The following ST6GALNAC3 variants were observed in gnomAD, a reference collection of about 807,000 sequenced individuals.
ST6GALNAC3 encodes alpha-N-acetylgalactosaminide alpha-2,6-sialyltransferase 3.
Under a neutral mutation model 32.7 loss-of-function variants are expected in ST6GALNAC3, and 25 were observed. That is an observed-to-expected ratio of 0.76 (90% CI 0.56 to 1.07). The LOEUF (loss-of-function observed/expected upper bound fraction) is 1.07, where lower values mean the gene tolerates loss of function less well. ST6GALNAC3 is among the 50% of genes least tolerant of loss of function. The pLI is 0.00. For missense variants in ST6GALNAC3, 355 were observed against 382.4 expected, an observed-to-expected ratio of 0.93 and a Z score of 0.60; for synonymous variants, 129 against 133.1, an observed-to-expected ratio of 0.97 and a Z score of 0.21.
At chr1:76,484,436 A>T (rs1217112496) in intron 3 of ST6GALNAC3, among the ~76,000 whole-genome samples, 1 of 152,066 alleles carries the variant, frequency 6.6e-6, no homozygotes, top group Non-Finnish European at 1.5e-5. Context: ...GAGGTCCTTC[A>T]CATCCCTTGT....
chr1:76,359,032 A>G (rs1160881347), intron 2 of ST6GALNAC3, among the ~76,000 whole-genome samples: 1 of 152,156 alleles, frequency 6.6e-6, no homozygotes, highest in African/African-American at 2.4e-5. Flanking sequence ...GTAATTTTAC[A>G]TTTATTGCTG....
intron 3 of ST6GALNAC3, among the ~76,000 whole-genome samples, chr1:76,541,803 C>G (rs315068): frequency 1.3e-5 from 2 of 152,058 alleles, no homozygotes; most frequent in Non-Finnish European, 2.9e-5. Context: ...CCCATCATCT[C>G]GTCACACCTG....
chr1:76,164,516 C>A (rs1401978189), intron 1 of ST6GALNAC3, among the ~76,000 whole-genome samples: 1 of 152,170 alleles, frequency 6.6e-6, no homozygotes, highest in Non-Finnish European at 1.5e-5. Context: ...ACCCCTTAAG[C>A]AGACCTTTAA....
At chr1:76,286,294 A>C (rs1345520082) in intron 1 of ST6GALNAC3, among the ~76,000 whole-genome samples, 1 of 152,182 alleles carries the variant, frequency 6.6e-6, no homozygotes, top group Admixed American at 6.5e-5. Context: ...CACAGTGTAA[A>C]ATCACAGTGG....
intron 1 of ST6GALNAC3, among the ~76,000 whole-genome samples, chr1:76,142,041 TAGAGAGGAGGGAAG>T (rs1329662626): frequency 1.3e-5 from 2 of 152,110 alleles, no homozygotes; most frequent in Non-Finnish European, 2.9e-5. Flanking sequence ...GAGGATTCTT[TAGAGAGGAGGGAAG>T]AGACCCCCTG....
intron 1 of ST6GALNAC3, among the ~76,000 whole-genome samples, chr1:76,075,194 G>T (rs1458863207): frequency 6.6e-6 from 1 of 152,208 alleles, no homozygotes; most frequent in Non-Finnish European, 1.5e-5. Context: ...GGGTGTTCCC[G>T]CGGGTCCCGC....
chr1:76,138,872 C>T (rs1650116921), intron 1 of ST6GALNAC3, among the ~76,000 whole-genome samples: 1 of 151,954 alleles, frequency 6.6e-6, no homozygotes, highest in Non-Finnish European at 1.5e-5. Flanking sequence ...CCTTTTTTAC[C>T]CCTGAGAATA....
intron 1 of ST6GALNAC3, among the ~76,000 whole-genome samples, chr1:76,245,073 TG>T (rs1657183034): frequency 6.6e-6 from 1 of 152,182 alleles, no homozygotes; most frequent in Non-Finnish European, 1.5e-5. Flanking sequence ...TGGGCTTTTT[TG>T]GTTGGTAGGC....
intron 2 of ST6GALNAC3, among the ~76,000 whole-genome samples, chr1:76,361,411 C>A (rs1033486991): frequency 1.3e-5 from 2 of 151,942 alleles, no homozygotes; most frequent in African/African-American, 4.8e-5. Flanking sequence ...ACTTGATTTC[C>A]CTCCTATTTC....
rs570349449 is a variant in ST6GALNAC3, at chr1:76,524,297, G to T, written c.624-103155G>T. ...AGTAGTAATTTGAGAGGGAAGATAG[G>T]TGAACATGTCCCTTCAATAAGCCAT... is the stretch of plus-strand genomic sequence containing the variant. On this transcript the variant is annotated intron_variant, in intron 3 of 4. Transcript: ENST00000328299. Among the ~76,000 whole-genome samples the T allele has an allele frequency of 3.9e-5, 6 of 152,220 alleles. No homozygotes were observed. The South Asian group carries it at 6.2e-4, about 16-fold the overall frequency.
At chr1:76,205,332 A>G (rs1256150222) in intron 1 of ST6GALNAC3, among the ~76,000 whole-genome samples, 1 of 152,196 alleles carries the variant, frequency 6.6e-6, no homozygotes, top group Non-Finnish European at 1.5e-5. Context: ...TCAATAGTCC[A>G]CAGCCTCCCC....
chr1:76,487,669 G>A (rs368143493), intron 3 of ST6GALNAC3, among the ~76,000 whole-genome samples: 4 of 152,078 alleles, frequency 2.6e-5, no homozygotes, highest in Admixed American at 6.6e-5. Context: ...AGATGGGTTC[G>A]AACTTCCTCC....
At chr1:76,222,051 A>G (rs1655802502) in intron 1 of ST6GALNAC3, among the ~76,000 whole-genome samples, 2 of 152,146 alleles carry the variant, frequency 1.3e-5, no homozygotes, top group South Asian at 2.1e-4. Context: ...GTTTCTTTTT[A>G]TATATTTGTG....
intron 1 of ST6GALNAC3, among the ~76,000 whole-genome samples, chr1:76,257,786 C>T (rs746103318): frequency 2.0e-5 from 3 of 151,954 alleles, no homozygotes; most frequent in East Asian, 1.9e-4. Context: ...GTTATTCTGC[C>T]GAATGATACT....
intron 1 of ST6GALNAC3, among the ~76,000 whole-genome samples, chr1:76,180,355 A>G (rs919193946): frequency 3.9e-5 from 6 of 152,118 alleles, no homozygotes; most frequent in Admixed American, 6.6e-5. Flanking sequence ...AATCTTCCCA[A>G]CTAAAGTGTG....
At chr1:76,563,819 G>T (rs1056237285) in intron 3 of ST6GALNAC3, among the ~76,000 whole-genome samples, 3 of 152,186 alleles carry the variant, frequency 2.0e-5, no homozygotes, top group African/African-American at 7.2e-5. Context: ...GCATATATGA[G>T]AGTGCTCAGT....
intron 1 of ST6GALNAC3, among the ~76,000 whole-genome samples, chr1:76,245,620 G>T (rs1306790249): frequency 6.6e-6 from 1 of 152,032 alleles, no homozygotes; most frequent in African/African-American, 2.4e-5. Flanking sequence ...AGAGATTCTG[G>T]TACATTGTTT....
At chr1:76,304,993 T>G (rs752871822) in intron 1 of ST6GALNAC3, among the ~76,000 whole-genome samples, 35 of 152,050 alleles carry the variant, frequency 2.3e-4, no homozygotes, top group Non-Finnish European at 4.9e-4. Flanking sequence ...CAAAAGCACC[T>G]GTTCCGATTA....
intron 1 of ST6GALNAC3, among the ~76,000 whole-genome samples, chr1:76,260,117 C>A (rs1658141515): frequency 6.6e-6 from 1 of 152,194 alleles, no homozygotes; most frequent in East Asian, 1.9e-4. Flanking sequence ...GTGACTATGG[C>A]AAGCAGGAAG....
Sources: allele counts gnomAD v4.1 joint callset (sites outside exome capture counted in the v4.1 genomes callset), GRCh38; gene constraint gnomAD v4.1.1; transcripts MANE v1.5; gene names NCBI Gene and HGNC (gene_info 2026-07-23, HGNC 2026-07-21).